Variants in AK3 observed in about 807,000 individuals in gnomAD.
The protein encoded by AK3 is adenylate kinase 3, also known as GTP:AMP phosphotransferase AK3, mitochondrial.
AK3 carries 27 observed loss-of-function variants against 23.7 expected under a neutral mutation model. That is an observed-to-expected ratio of 1.14 (90% confidence interval 0.84 to 1.57). The LOEUF (loss-of-function observed/expected upper bound fraction) is 1.57. AK3 is among the 40% of genes most tolerant of loss of function. The probability of loss-of-function intolerance (pLI) is 0.00; values close to 1 mark genes in which losing one functional copy is unlikely to be tolerated. For synonymous variants in AK3, 159 were observed against 116.0 expected, an observed-to-expected ratio of 1.37 and a Z score of -2.38; for missense variants, 406 against 285.6, an observed-to-expected ratio of 1.42 and a Z score of -3.04.
At chr9:4,737,972 C>A (rs1434529192) in intron 1 of AK3, among the ~76,000 whole-genome samples, 1 of 152,124 alleles carries the variant, frequency 6.6e-6, no homozygotes, top group African/African-American at 2.4e-5. Context: ...TTGGCACAAT[C>A]CTTCTGTTGT....
At position 4,711,180 on chromosome 9, in the gene AK3, G is replaced by C. The variant is rs1301414295; in HGVS notation, c.*1796C>G. On this transcript the variant is annotated 3_prime_UTR_variant, in exon 5 of 5. Transcript: ENST00000381809. The stretch of plus-strand genomic sequence containing the variant: ...TGGACTGTTTTAAGATCATTTATTA[G>C]AACAGTCATTCAGAAGCCATTGAGA... 1 of 152,492 alleles carries C rather than the reference G, an allele frequency of 6.6e-6. No homozygotes were observed. Among genetic ancestry groups the C allele is most frequent in the African/African-American group, 2.4e-5 (1 of 41,450 alleles). The allele number at this position is 152,492 out of a possible 1,614,324, so 9.4% of individuals were successfully genotyped here. A position where few individuals can be genotyped will look rare whatever the true frequency, so the allele number is the denominator to read the frequency against.
chr9:4,720,220 C>T (rs10974746), intron 2 of AK3, among the ~76,000 whole-genome samples: 4,607 of 152,202 alleles, frequency 0.03, 213 homozygotes, highest in African/African-American at 0.1. Flanking sequence ...AACAGAGAGA[C>T]AGGCAAATGT....
intron 1 of AK3, among the ~76,000 whole-genome samples, chr9:4,736,556 GT>G (rs1842298584): frequency 6.6e-6 from 1 of 151,342 alleles, no homozygotes; most frequent in Non-Finnish European, 1.5e-5. Flanking sequence ...ACATAATAAT[GT>G]TTTGAAGAAA....
At chr9:4,733,505 C>T (rs921189486) in intron 1 of AK3, among the ~76,000 whole-genome samples, 1 of 152,116 alleles carries the variant, frequency 6.6e-6, no homozygotes, top group Non-Finnish European at 1.5e-5. Context: ...CATACACAGA[C>T]CTTATAATAC....
rs189764351 is a variant in AK3, at chr9:4,724,978, T to C, written c.152-2353A>G. ...CTACCATGCATAAAAATTAACTCAA[T>C]ATAGGTCATAAACCTAAATGTAAGT... On this transcript the variant is annotated intron_variant, in intron 1 of 4. Coordinates refer to ENST00000381809, the MANE Select transcript of AK3 (RefSeq NM_016282.4). 9.9e-5 allele frequency among the ~76,000 whole-genome samples: 15 copies of C among 151,132 alleles called. 1 individual carries two copies. The East Asian group carries it at 2.3e-3, about 24-fold the overall frequency.
At chr9:4,733,625 C>G (rs1236541950) in intron 1 of AK3, among the ~76,000 whole-genome samples, 1 of 152,196 alleles carries the variant, frequency 6.6e-6, no homozygotes, top group African/African-American at 2.4e-5. Context: ...AGTGAAGCAT[C>G]CAGAAAGAGT....
intron 2 of AK3, 99 bp downstream of exon 2, chr9:4,722,407 C>A: frequency 1.3e-6 from 2 of 1,556,208 alleles, no homozygotes; most frequent in Non-Finnish European, 1.7e-6. Context: ...TCTCCCCAAA[C>A]CACCATCCTT....
At chr9:4,734,100 T>A (rs1169858707) in intron 1 of AK3, among the ~76,000 whole-genome samples, 1 of 152,150 alleles carries the variant, frequency 6.6e-6, no homozygotes, top group East Asian at 1.9e-4. Context: ...AGGAGGTAAC[T>A]AAGATTAAAT....
In AK3 at chr9:4,719,292, A is replaced by G. The variant is rs766182641; in HGVS notation, c.287T>C (p.Leu96Pro). 7.3e-7 allele frequency: 1 copy of G among 1,369,400 alleles called. No individual in the cohort carries two copies. Among genetic ancestry groups the G allele is most frequent in the Non-Finnish European group, 9.7e-7 (1 of 1,027,344 alleles). The allele number at this position is 1,369,400 out of a possible 1,614,324, so 84.8% of individuals were successfully genotyped here. A position where few individuals can be genotyped will look rare whatever the true frequency, so the allele number is the denominator to read the frequency against. ...SWLLDGFPRT[L>P]PQAEALDRAY... ...TCTATCTAGGGCTTCTGCCTGTGGA[A>G]GTGTCCTTGGAAAACCTTTATAAAG... Residue 96 changes from leucine (L) to proline (P), a missense_variant, in exon 3 of 5, where the codon CTT becomes CCT. By Grantham distance (98) the Leu-to-Pro change is moderately conservative. Transcript: ENST00000381809.
chr9:4,724,640 G>A (rs1007970004), intron 1 of AK3, among the ~76,000 whole-genome samples: 1 of 152,146 alleles, frequency 6.6e-6, no homozygotes, highest in African/African-American at 2.4e-5. Context: ...TTAGCTGGGT[G>A]TGGTGGCTCA....
Position 4,735,416 on chromosome 9 carries a change from T to TAC in AK3, c.151+5519_151+5520dup, listed in dbSNP as rs1393572072. On this transcript the variant is annotated intron_variant, in intron 1 of 4. Coordinates refer to ENST00000381809, the MANE Select transcript of AK3 (RefSeq NM_016282.4). ...ATATATATACATATATAAATATATA[T>TAC]ACATATATAAATATATATATACATA... Among the ~76,000 whole-genome samples, 7 of 130,242 alleles carry TAC rather than the reference T, an allele frequency of 5.4e-5. 1 individual carries two copies. Among genetic ancestry groups the TAC allele is most frequent in the African/African-American group, 2.2e-4 (7 of 31,788 alleles). 85.4% of individuals were successfully genotyped at this position (130,242 alleles called of 152,430 possible).
At chr9:4,734,751 A>G (rs1482701317) in intron 1 of AK3, among the ~76,000 whole-genome samples, 1 of 152,238 alleles carries the variant, frequency 6.6e-6, no homozygotes, top group East Asian at 1.9e-4. Flanking sequence ...AACAACCCAA[A>G]TGTTCACCAA....
chr9:4,734,658 T>C (rs547303971), intron 1 of AK3, among the ~76,000 whole-genome samples: 58 of 152,224 alleles, frequency 3.8e-4, no homozygotes, highest in Non-Finnish European at 6.8e-4. Flanking sequence ...ACAGTATTCA[T>C]GACCAGGCTT....
upstream of AK3, chr9:4,742,001 C>T (rs1009447): frequency 0.21 from 32,305 of 152,122 alleles, 3,804 homozygotes; most frequent in African/African-American, 0.32. Flanking sequence ...AATCCAGCTT[C>T]CATTGAGTGA....
intron 1 of AK3, among the ~76,000 whole-genome samples, chr9:4,738,354 C>A (rs1842345218): frequency 1.3e-5 from 2 of 151,974 alleles, no homozygotes; most frequent in South Asian, 2.1e-4. Flanking sequence ...TTAGTAGAGA[C>A]AGGGTTTTGC....
At chr9:4,724,784 G>GA (rs57816233) in intron 1 of AK3, among the ~76,000 whole-genome samples, 19 of 147,306 alleles carry the variant, frequency 1.3e-4, no homozygotes, top group Admixed American at 2.0e-4. Context: ...GTTTCAAAAA[G>GA]AAAAAAAAAA....
intron 1 of AK3, among the ~76,000 whole-genome samples, chr9:4,731,266 C>G (rs1044351233): frequency 2.6e-5 from 4 of 152,070 alleles, no homozygotes; most frequent in African/African-American, 9.7e-5. Flanking sequence ...CCTCTCCCTC[C>G]TCCCCACCTC....
At chr9:4,719,606 C>A (rs1026735242) in intron 2 of AK3, among the ~76,000 whole-genome samples, 4 of 152,170 alleles carry the variant, frequency 2.6e-5, no homozygotes, top group African/African-American at 9.6e-5. Context: ...AGTACATTGC[C>A]CTTCTTAATA....
intron 1 of AK3, 143 bp from the exon 2 acceptor site, chr9:4,722,768 AG>A: frequency 7.7e-7 from 1 of 1,306,354 alleles, no homozygotes; most frequent in Non-Finnish European, 1.0e-6. Flanking sequence ...ATAAAAACAA[AG>A]GTTATGGCCG....
Sources: allele counts gnomAD v4.1 joint callset (sites outside exome capture counted in the v4.1 genomes callset), GRCh38; gene constraint gnomAD v4.1.1; transcripts MANE v1.5; gene names NCBI Gene and HGNC (gene_info 2026-07-23, HGNC 2026-07-21).